Variants in MAMLD1 observed in about 807,000 individuals in gnomAD.
MAMLD1 encodes mastermind like domain containing 1, also known as mastermind-like domain-containing protein 1.
In MAMLD1, 14 loss-of-function variants were observed where a neutral mutation model predicts 45.0. The ratio of observed to expected loss-of-function variants is 0.31; its 90% CI spans 0.21 to 0.49. The LOEUF (loss-of-function observed/expected upper bound fraction) is 0.49, where lower values mean the gene tolerates loss of function less well. Among genes scored for constraint, MAMLD1 ranks in the 20% least tolerant of loss-of-function variants. The probability of loss-of-function intolerance (pLI) is 0.99; values close to 1 mark genes in which losing one functional copy is unlikely to be tolerated. For synonymous variants in MAMLD1, 254 were observed against 247.8 expected, an observed-to-expected ratio of 1.02 and a Z score of -0.24; for missense variants, 543 against 603.6, an observed-to-expected ratio of 0.90 and a Z score of 1.05.
At position 150,383,019 on chromosome X, in the gene MAMLD1, C is replaced by T. The variant is rs1367971206; in HGVS notation, c.-64+19489C>T. ...TCCCGGGTTCACGCCATTCTCCTGC[C>T]TCAGCCTCCCGAGTAGCTGGGACTA... On this transcript the variant is annotated intron_variant, in intron 1 of 7. Transcript: ENST00000370401. Among the ~76,000 whole-genome samples the T allele has an allele frequency of 2.2e-4, 13 of 58,127 alleles. 3 individuals carry two copies. The highest frequency in any genetic ancestry group is 1.2e-3 in the African/African-American group (10 of 8,205). The allele number at this position is 58,127 out of a possible 115,157, so 50.5% of individuals were successfully genotyped here. A position where few individuals can be genotyped will look rare whatever the true frequency, so the allele number is the denominator to read the frequency against.
At chrX:150,462,282 A>T (rs185168963) in intron 2 of MAMLD1, among the ~76,000 whole-genome samples, 1 of 112,084 alleles carries the variant, frequency 8.9e-6, no homozygotes, top group Non-Finnish European at 1.9e-5. Context: ...GGATCCCTGC[A>T]CCGACTGGTG....
chrX:150,472,525 G>T (rs1437976802), intron 4 of MAMLD1, among the ~76,000 whole-genome samples: 1 of 112,182 alleles, frequency 8.9e-6, no homozygotes, highest in Non-Finnish European at 1.9e-5. Flanking sequence ...GTTGGACTGA[G>T]GCCTCGGTTT....
intron 6 of MAMLD1, among the ~76,000 whole-genome samples, chrX:150,509,079 T>C (rs2037825647): frequency 8.9e-6 from 1 of 111,816 alleles, no homozygotes; most frequent in Non-Finnish European, 1.9e-5. Context: ...GACTGAGTGC[T>C]GAAACTGCGG....
rs886356395 is a variant in MAMLD1 at position 150,475,637 on chromosome X, G to C, written c.2040+1835G>C. On this transcript the variant is annotated intron_variant, in intron 5 of 7. Coordinates refer to ENST00000370401, the MANE Select transcript of MAMLD1 (RefSeq NM_005491.5). ...GGAGGTTGAGCAAGCAAGGGCACTG[G>C]AGGCAGACAGAACTGAGGCTCAAGT... Among the ~76,000 whole-genome samples, 3 of 112,381 alleles carry C rather than the reference G, an allele frequency of 2.7e-5. No homozygotes were observed. The Admixed American group carries it at 2.8e-4, about 11-fold the overall frequency.
chrX:150,495,719 C>T (rs2037355829), intron 5 of MAMLD1, among the ~76,000 whole-genome samples: 1 of 112,453 alleles, frequency 8.9e-6, no homozygotes, highest in Non-Finnish European at 1.9e-5. Context: ...TGCTCCTTAA[C>T]CAGCTTCCAG....
At chrX:150,498,077 T>TATC (rs1261342680) in intron 5 of MAMLD1, among the ~76,000 whole-genome samples, 33 of 111,173 alleles carry the variant, frequency 3.0e-4, no homozygotes, top group Admixed American at 1.2e-3. Context: ...ATATTTATAA[T>TATC]ATCATCATCA....
Position 150,470,432 on chromosome X carries a change from G to A in MAMLD1, c.859G>A (p.Ala287Thr), listed in dbSNP as rs138272061. The change falls in exon 4 of 8, where the codon GCC becomes ACC. Residue 287 changes from alanine (A) to threonine (T), a missense_variant. Transcript: ENST00000370401. ...GGCACAGTCCAAGAGCCAGGTCCAG[G>A]CCATGCTCCCTGTCGCTCTGCCCCC... ...SMAQSKSQVQAMLPVALPPLP... is the reference protein window; with the variant it reads ...SMAQSKSQVQTMLPVALPPLP... 87 of 1,210,464 alleles carry A rather than the reference G, an allele frequency of 7.2e-5. No individual in the cohort carries two copies. The highest frequency in any genetic ancestry group is 8.9e-5 in the Non-Finnish European group (80 of 895,361).
chrX:150,423,326 CA>C (rs1227979066), intron 1 of MAMLD1, among the ~76,000 whole-genome samples: 2 of 101,377 alleles, frequency 2.0e-5, no homozygotes, highest in Non-Finnish European at 4.0e-5. Flanking sequence ...AAATCATTTC[CA>C]GGGGGGAAAA....
chrX:150,479,683 C>T (rs1231064533), intron 5 of MAMLD1, among the ~76,000 whole-genome samples: 3 of 112,117 alleles, frequency 2.7e-5, no homozygotes, highest in Non-Finnish European at 5.6e-5. Flanking sequence ...TGTCGTGCTG[C>T]TTTAAGCTGT....
chrX:150,368,726 A>G (rs1320255640), intron 1 of MAMLD1, among the ~76,000 whole-genome samples: 1 of 111,938 alleles, frequency 8.9e-6, no homozygotes, highest in Non-Finnish European at 1.9e-5. Flanking sequence ...TCCATCTTGA[A>G]TTAATTTTTG....
At chrX:150,389,784 G>A (rs989073469) in intron 1 of MAMLD1, among the ~76,000 whole-genome samples, 1 of 111,977 alleles carries the variant, frequency 8.9e-6, no homozygotes, top group Non-Finnish European at 1.9e-5. Context: ...AGCTCTCTCA[G>A]TTTCTACTTC....
intron 1 of MAMLD1, among the ~76,000 whole-genome samples, chrX:150,430,025 T>TA: frequency 1.5e-5 from 1 of 67,464 alleles, no homozygotes; most frequent in East Asian, 4.1e-4. Flanking sequence ...TTTTCTTTTT[T>TA]TTTTTTTTTT....
At chrX:150,398,340 AG>A (rs2033592560) in intron 1 of MAMLD1, among the ~76,000 whole-genome samples, 2 of 62,518 alleles carry the variant, frequency 3.2e-5, no homozygotes, top group African/African-American at 1.1e-4. Flanking sequence ...AAGAAGAAGA[AG>A]AGGAAGAGGA....
At chrX:150,499,066 A>G (rs1355892391) in intron 5 of MAMLD1, among the ~76,000 whole-genome samples, 1 of 112,025 alleles carries the variant, frequency 8.9e-6, no homozygotes. Flanking sequence ...GTGCTCTAGC[A>G]TAGTAACCTC....
At chrX:150,444,500 C>T (rs782163301) in intron 1 of MAMLD1, among the ~76,000 whole-genome samples, 1 of 111,759 alleles carries the variant, frequency 8.9e-6, no homozygotes, top group Non-Finnish European at 1.9e-5. Flanking sequence ...CCCAAGGTCC[C>T]TAACCAGTAT....
At chrX:150,477,266 A>G (rs1476780843) in intron 5 of MAMLD1, among the ~76,000 whole-genome samples, 2 of 112,823 alleles carry the variant, frequency 1.8e-5, no homozygotes, top group African/African-American at 6.4e-5. Context: ...AAATGAGATG[A>G]GGTAACAGCG....
At chrX:150,481,989 A>AAAGG (rs2036812192) in intron 5 of MAMLD1, among the ~76,000 whole-genome samples, 1 of 102,041 alleles carries the variant, frequency 9.8e-6, no homozygotes, top group African/African-American at 3.7e-5. Context: ...AGAAAGAAAG[A>AAAGG]AAGAAAGAAA....
rs781904160 is a variant in MAMLD1 at position 150,394,129 on chromosome X, C to CTTTTTTT, written c.-64+30618_-64+30624dup. ...GGGGTGTAAGGTCTATATCTACATC[C>CTTTTTTT]TTTTTTTTTTTTTTTTTTTTTTTTT... On this transcript the variant is annotated intron_variant, in intron 1 of 7. Transcript: ENST00000370401. Among the ~76,000 whole-genome samples, 43 of 12,268 alleles carry CTTTTTTT rather than the reference C, an allele frequency of 3.5e-3. 7 individuals carry two copies. Among genetic ancestry groups the CTTTTTTT allele is most frequent in the African/African-American group, 0.01 (28 of 2,781 alleles). 10.7% of individuals were successfully genotyped at this position (12,268 alleles called of 115,157 possible).
intron 3 of MAMLD1, among the ~76,000 whole-genome samples, chrX:150,467,624 G>A (rs1246637287): frequency 8.9e-6 from 1 of 112,800 alleles, no homozygotes; most frequent in Non-Finnish European, 1.9e-5. Context: ...AAAGAAGTGT[G>A]CAAGTCCTCT....
Sources: gnomAD v4.1 joint callset for allele counts (sites outside exome capture counted in the v4.1 genomes callset) on GRCh38, gnomAD v4.1.1 for gene constraint, MANE v1.5 for transcripts, NCBI Gene and HGNC (gene_info 2026-07-23, HGNC 2026-07-21) for gene names.